The following FBN2 variants were observed in gnomAD, a reference collection of about 807,000 sequenced individuals.
The protein encoded by FBN2 is fibrillin 2, also known as fibrillin-2.
FBN2 carries 105 observed loss-of-function variants against 355.6 expected under a neutral mutation model. The ratio of observed to expected loss-of-function variants is 0.30; its 90% CI spans 0.25 to 0.35. The LOEUF is 0.35. FBN2 is among the 10% of genes least tolerant of loss of function. FBN2 has a pLI of 1.00. For synonymous variants in FBN2, 1,350 were observed against 1,301.2 expected, an observed-to-expected ratio of 1.04 and a Z score of -0.81; for missense variants, 3,280 against 3,758.7, an observed-to-expected ratio of 0.87 and a Z score of 3.33.
intron 1 of FBN2, among the ~76,000 whole-genome samples, 162 bp from the exon 2 acceptor site, chr5:128,536,646 A>G (rs552012907): frequency 6.6e-6 from 1 of 152,334 alleles, no homozygotes; most frequent in South Asian, 2.1e-4. Flanking sequence ...CGTGGAAGCA[A>G]AAGAGCTAGA....
chr5:128,327,054 A>G (rs1272649488), intron 34 of FBN2, among the ~76,000 whole-genome samples: 2 of 152,194 alleles, frequency 1.3e-5, no homozygotes, highest in Non-Finnish European at 2.9e-5. Flanking sequence ...TAGATAATAA[A>G]TCATGTCATT....
intron 7 of FBN2, among the ~76,000 whole-genome samples, chr5:128,419,821 T>C (rs1377301645): frequency 1.3e-5 from 2 of 152,008 alleles, no homozygotes; most frequent in African/African-American, 4.8e-5. Context: ...GCCTCCCAAG[T>C]ACTAGCTTGG....
intron 45 of FBN2, among the ~76,000 whole-genome samples, chr5:128,303,773 G>A (rs914853437): frequency 1.3e-5 from 2 of 152,104 alleles, no homozygotes; most frequent in Non-Finnish European, 1.5e-5. Flanking sequence ...TTTTATCATG[G>A]AAGAATTGTT....
chr5:128,509,502 T>C (rs1236360771), intron 5 of FBN2, among the ~76,000 whole-genome samples: 1 of 152,178 alleles, frequency 6.6e-6, no homozygotes, highest in Non-Finnish European at 1.5e-5. Context: ...TACCTTATAA[T>C]AACTACTTTC....
chr5:128,278,560 C>T, intron 57 of FBN2, 75 bp downstream of exon 57: 3 of 1,388,532 alleles, frequency 2.2e-6, no homozygotes, highest in Non-Finnish European at 3.1e-6. Flanking sequence ...CAATTTTTCA[C>T]TTTTCCTTCA....
chr5:128,413,739 A>G (rs982556033), intron 7 of FBN2, among the ~76,000 whole-genome samples: 1 of 152,144 alleles, frequency 6.6e-6, no homozygotes, highest in Non-Finnish European at 1.5e-5. Flanking sequence ...CATCCATGTA[A>G]CAATTATGTT....
At chr5:128,274,755 A>C (rs1765347404) in intron 59 of FBN2, 72 bp from the exon 60 acceptor site, 1 of 934,106 alleles carries the variant, frequency 1.1e-6, no homozygotes, top group Admixed American at 1.7e-5. Context: ...GTGAAGCCAC[A>C]GGAGATGCAC....
At chr5:128,348,816 A>AAT (rs1199276238) in intron 23 of FBN2, among the ~76,000 whole-genome samples, 1 of 152,176 alleles carries the variant, frequency 6.6e-6, no homozygotes, top group Non-Finnish European at 1.5e-5. Context: ...CTATTCCTAT[A>AAT]ATATGCTGTT....
chr5:128,285,205 A>AGGTT (rs1561747734), intron 55 of FBN2, among the ~76,000 whole-genome samples: 11 of 72,486 alleles, frequency 1.5e-4, no homozygotes, highest in Non-Finnish European at 3.4e-4. Context: ...TTTTTTGGGT[A>AGGTT]AGTTTGATTC....
At chr5:128,417,775 G>A (rs1035908830) in intron 7 of FBN2, among the ~76,000 whole-genome samples, 6 of 151,968 alleles carry the variant, frequency 3.9e-5, no homozygotes, top group East Asian at 1.9e-4. Context: ...GGATTTTTAC[G>A]TCTATATTCA....
intron 7 of FBN2, among the ~76,000 whole-genome samples, chr5:128,424,129 T>C (rs1455663362): frequency 1.3e-5 from 2 of 152,086 alleles, no homozygotes; most frequent in Non-Finnish European, 2.9e-5. Flanking sequence ...ATGTTTAAAG[T>C]ATACGTGCCT....
chr5:128,388,579 T>C (rs1752426654), intron 11 of FBN2, among the ~76,000 whole-genome samples: 1 of 152,208 alleles, frequency 6.6e-6, no homozygotes, highest in Non-Finnish European at 1.5e-5. Context: ...ATATTTTATT[T>C]CCCCTTCACG....
chr5:128,339,220 C>T, intron 25 of FBN2, 159 bp from the exon 26 acceptor site: 1 of 686,790 alleles, frequency 1.5e-6, no homozygotes, highest in South Asian at 1.7e-5. Flanking sequence ...GGACCTGAGG[C>T]ACATTCCTTT....
At chr5:128,323,041 T>A (rs1025822515) in intron 34 of FBN2, among the ~76,000 whole-genome samples, 1 of 152,204 alleles carries the variant, frequency 6.6e-6, no homozygotes. Flanking sequence ...CAATTGTGAA[T>A]GGGAGTTCAC....
intron 11 of FBN2, among the ~76,000 whole-genome samples, chr5:128,389,129 T>C (rs1752444840): frequency 6.6e-6 from 1 of 152,244 alleles, no homozygotes; most frequent in Non-Finnish European, 1.5e-5. Context: ...TATTTTGCTG[T>C]TAATATTTCT....
intron 27 of FBN2, among the ~76,000 whole-genome samples, chr5:128,336,826 T>A (rs564734722): frequency 6.6e-6 from 1 of 152,336 alleles, no homozygotes; most frequent in East Asian, 1.9e-4. Flanking sequence ...CACTTCCTTA[T>A]GTAAACTACT....
chr5:128,512,973 C>T (rs1756172717), intron 5 of FBN2, among the ~76,000 whole-genome samples: 2 of 152,110 alleles, frequency 1.3e-5, no homozygotes. Flanking sequence ...TACAAACAGG[C>T]ATCAGATAGG....
intron 11 of FBN2, among the ~76,000 whole-genome samples, chr5:128,386,760 G>A (rs1252963159): frequency 6.6e-6 from 1 of 152,100 alleles, no homozygotes; most frequent in East Asian, 1.9e-4. Flanking sequence ...TGCATATGCT[G>A]AACTCACCTT....
chr5:128,455,994 A>AAAAAAACAAAAAAAAAC (rs1383616412), intron 6 of FBN2, among the ~76,000 whole-genome samples: 1 of 124,706 alleles, frequency 8.0e-6, no homozygotes, highest in Non-Finnish European at 1.7e-5. Flanking sequence ...TAGCAACAAA[A>AAAAAAACAAAAAAAAAC]AAAAAAAAAA....
Sources: allele counts gnomAD v4.1 joint callset (sites outside exome capture counted in the v4.1 genomes callset), GRCh38; gene constraint gnomAD v4.1.1; transcripts MANE v1.5; gene names NCBI Gene and HGNC (gene_info 2026-07-23, HGNC 2026-07-21).